The following LINC00305 variants were observed in gnomAD, a reference collection of about 807,000 sequenced individuals.
LINC00305 encodes long independently transcribed non-coding RNA 305.
intron 1 of LINC00305, among the ~76,000 whole-genome samples, chr18:64,130,042 A>C (rs1011785498): frequency 6.6e-6 from 1 of 151,590 alleles, no homozygotes; most frequent in Admixed American, 6.6e-5. Context: ...CAGGTTTGTT[A>C]CATATGTATA....
intron 3 of LINC00305, among the ~76,000 whole-genome samples, chr18:64,083,834 C>T (rs975495888): frequency 6.6e-6 from 1 of 152,150 alleles, no homozygotes; most frequent in Non-Finnish European, 1.5e-5. Flanking sequence ...TTGATGGTAA[C>T]CTTGATTTGT....
chr18:64,100,280 G>A (rs1291227714), intron 1 of LINC00305, among the ~76,000 whole-genome samples: 1 of 152,070 alleles, frequency 6.6e-6, no homozygotes, highest in Admixed American at 6.6e-5. Flanking sequence ...CCCCCTCAAA[G>A]CTACTCAAGC....
At chr18:64,145,239 C>T (rs1460805433) in intron 1 of LINC00305, among the ~76,000 whole-genome samples, 1 of 152,170 alleles carries the variant, frequency 6.6e-6, no homozygotes, top group Non-Finnish European at 1.5e-5. Flanking sequence ...AAATTCTTAT[C>T]TCTATATACT....
chr18:64,148,448 C>A (rs1223818006), intron 1 of LINC00305, among the ~76,000 whole-genome samples: 6 of 151,388 alleles, frequency 4.0e-5, no homozygotes, highest in African/African-American at 1.5e-4. Flanking sequence ...CCTACATACC[C>A]TTAAGCAAGC....
chr18:64,088,774 A>G (rs1297472904), intron 3 of LINC00305, among the ~76,000 whole-genome samples: 1 of 152,170 alleles, frequency 6.6e-6, no homozygotes, highest in African/African-American at 2.4e-5. Context: ...GAAGATTGCA[A>G]TGGTGGAAGA....
chr18:64,101,470 C>T (rs2051267755), intron 1 of LINC00305, among the ~76,000 whole-genome samples: 1 of 152,160 alleles, frequency 6.6e-6, no homozygotes, highest in African/African-American at 2.4e-5. Flanking sequence ...TTTGTAGCCA[C>T]ATCACTCCAA....
chr18:64,086,900 T>G (rs1337773085), intron 3 of LINC00305, among the ~76,000 whole-genome samples: 1 of 152,232 alleles, frequency 6.6e-6, no homozygotes, highest in African/African-American at 2.4e-5. Flanking sequence ...ATTTCACACT[T>G]CTTTCCATGT....
At position 64,121,900 on chromosome 18, in the gene LINC00305, C is replaced by T. The variant is rs369420536; in HGVS notation, n.315-23260G>A. On this transcript the variant is annotated intron_variant and non_coding_transcript_variant, in intron 1 of 3. Transcript: ENST00000666468. ...ATAGCCATTCTGACTAGTGTTAAGA[C>T]GATATTGTAGTTTTACTTTGAACTT... Among the ~76,000 whole-genome samples the T allele has an allele frequency of 7.9e-5, 12 of 151,980 alleles. 1 individual carries two copies. Among genetic ancestry groups the T allele is most frequent in the East Asian group, 3.9e-4 (2 of 5,180 alleles).
intron 1 of LINC00305, among the ~76,000 whole-genome samples, chr18:64,143,601 T>C (rs542112140): frequency 4.3e-5 from 4 of 93,136 alleles, no homozygotes; most frequent in African/African-American, 2.3e-4. Context: ...TACACATATG[T>C]ATATGTACAT....
chr18:64,126,469 C>A (rs892334934), intron 1 of LINC00305, among the ~76,000 whole-genome samples: 6 of 152,018 alleles, frequency 3.9e-5, no homozygotes, highest in African/African-American at 1.4e-4. Flanking sequence ...TATTAGGCCC[C>A]TTCTCGGCCA....
chr18:64,139,645 T>G (rs1270271001), intron 1 of LINC00305: 1 of 152,074 alleles, frequency 6.6e-6, no homozygotes, highest in Non-Finnish European at 1.5e-5. Flanking sequence ...AAATGGTAAA[T>G]GAAGACAAAA....
chr18:64,100,371 G>T (rs1279726699), intron 1 of LINC00305, among the ~76,000 whole-genome samples: 1 of 152,160 alleles, frequency 6.6e-6, no homozygotes, highest in Non-Finnish European at 1.5e-5. Flanking sequence ...TATGAAGAAA[G>T]AACGTCACAG....
chr18:64,138,866 C>T (rs1038257989), intron 1 of LINC00305, among the ~76,000 whole-genome samples: 1 of 152,176 alleles, frequency 6.6e-6, no homozygotes, highest in Non-Finnish European at 1.5e-5. Flanking sequence ...GTTGGTCGTG[C>T]GCCTGGAACG....
intron 1 of LINC00305, among the ~76,000 whole-genome samples, chr18:64,119,228 G>A (rs888000563): frequency 1.3e-5 from 2 of 152,028 alleles, no homozygotes; most frequent in African/African-American, 4.8e-5. Flanking sequence ...TTTTCAGTGA[G>A]CACTGATTGG....
intron 1 of LINC00305, among the ~76,000 whole-genome samples, chr18:64,101,700 C>A (rs1353976156): frequency 6.6e-6 from 1 of 152,144 alleles, no homozygotes; most frequent in Non-Finnish European, 1.5e-5. Flanking sequence ...AAAGCTTCTT[C>A]TGGAAGAAGT....
At chr18:64,109,352 G>T (rs1199175543) in intron 1 of LINC00305, among the ~76,000 whole-genome samples, 1 of 152,142 alleles carries the variant, frequency 6.6e-6, no homozygotes, top group East Asian at 1.9e-4. Flanking sequence ...AAATTAAGTG[G>T]AAAAGACCAT....
chr18:64,145,906 C>T (rs1273033696), intron 1 of LINC00305, among the ~76,000 whole-genome samples: 1 of 152,024 alleles, frequency 6.6e-6, no homozygotes, highest in African/African-American at 2.4e-5. Context: ...TTTGTAGGGT[C>T]CACTTGTTTT....
At chr18:64,101,833 A>G (rs2051268894) in intron 1 of LINC00305, among the ~76,000 whole-genome samples, 1 of 152,194 alleles carries the variant, frequency 6.6e-6, no homozygotes, top group African/African-American at 2.4e-5. Flanking sequence ...ATCCATCTTC[A>G]GTATGATGTG....
At chr18:64,088,811 C>CATG in intron 3 of LINC00305, among the ~76,000 whole-genome samples, 1 of 152,064 alleles carries the variant, frequency 6.6e-6, no homozygotes, top group Non-Finnish European at 1.5e-5. Context: ...GAGCCTGTGC[C>CATG]AGCTATAATG....
Sources: allele counts gnomAD v4.1 joint callset (sites outside exome capture counted in the v4.1 genomes callset), GRCh38; gene constraint gnomAD v4.1.1; transcripts MANE v1.5; gene names NCBI Gene and HGNC (gene_info 2026-07-23, HGNC 2026-07-21).